The following TNFRSF19 variants were observed in gnomAD, a reference collection of about 807,000 sequenced individuals.
The protein encoded by TNFRSF19 is tumor necrosis factor receptor superfamily member 19.
In TNFRSF19, 27 loss-of-function variants were observed where a neutral mutation model predicts 46.4. That is an observed-to-expected ratio of 0.58 (90% CI 0.43 to 0.80). The LOEUF (loss-of-function observed/expected upper bound fraction) is 0.80, where lower values mean the gene tolerates loss of function less well. Ranked by LOEUF, TNFRSF19 falls within the 30% of genes least tolerant of loss-of-function variation. The probability of loss-of-function intolerance (pLI) is 0.00; values close to 1 mark genes in which losing one functional copy is unlikely to be tolerated. For missense variants in TNFRSF19, 511 were observed against 530.8 expected (o/e 0.96, Z 0.37); for synonymous variants, 204 against 205.0 (o/e 1.00, Z 0.04).
At chr13:23,663,488 G>A (rs1439929880) in intron 7 of TNFRSF19, among the ~76,000 whole-genome samples, 2 of 152,002 alleles carry the variant, frequency 1.3e-5, no homozygotes, top group South Asian at 4.2e-4. Flanking sequence ...TTTTTTTGTT[G>A]TATCTCTGCC....
chr13:23,661,682 C>T (rs1398481464), intron 7 of TNFRSF19, among the ~76,000 whole-genome samples: 1 of 152,208 alleles, frequency 6.6e-6, no homozygotes, highest in African/African-American at 2.4e-5. Flanking sequence ...ATTCCCTTTA[C>T]TCTGCAACCT....
chr13:23,593,271 A>C (rs1299874383), intron 2 of TNFRSF19, 74 bp from the exon 3 acceptor site: 6 of 838,416 alleles, frequency 7.2e-6, no homozygotes, highest in Non-Finnish European at 1.1e-5. Context: ...AATATTGAAA[A>C]TATTGTTCCT....
intron 7 of TNFRSF19, among the ~76,000 whole-genome samples, chr13:23,660,699 G>T (rs571023579): frequency 6.6e-6 from 1 of 152,204 alleles, no homozygotes; most frequent in East Asian, 1.9e-4. Context: ...TAAGCATCTC[G>T]TTAAAATTCT....
chr13:23,647,738 A>G (rs2138355809), intron 5 of TNFRSF19, among the ~76,000 whole-genome samples: 1 of 152,326 alleles, frequency 6.6e-6, no homozygotes, highest in East Asian at 1.9e-4. Context: ...TCTCTGATCT[A>G]TTTTTAGTCA....
chr13:23,664,073 A>G (rs2138403972), intron 7 of TNFRSF19, among the ~76,000 whole-genome samples: 1 of 151,936 alleles, frequency 6.6e-6, no homozygotes, highest in Admixed American at 6.6e-5. Flanking sequence ...TGCTTCTCAA[A>G]TTCTTTCTGT....
chr13:23,610,613 T>G (rs1426448026), intron 3 of TNFRSF19, among the ~76,000 whole-genome samples: 1 of 152,154 alleles, frequency 6.6e-6, no homozygotes, highest in Admixed American at 6.5e-5. Flanking sequence ...CTCCCTAGGA[T>G]TTTTTTAAAG....
At chr13:23,653,061 C>T (rs748393943) in intron 5 of TNFRSF19, among the ~76,000 whole-genome samples, 2 of 152,204 alleles carry the variant, frequency 1.3e-5, no homozygotes, top group African/African-American at 2.4e-5. Context: ...AGCAGCTCTG[C>T]GTCAGGATGT....
chr13:23,670,574 AAAATTGTTATGATAATAAATAAG>A (rs1951743772), intron 9 of TNFRSF19, among the ~76,000 whole-genome samples: 1 of 152,228 alleles, frequency 6.6e-6, no homozygotes, highest in African/African-American at 2.4e-5. Context: ...CATAATTTGT[AAAATTGTTATGATAATAAATAAG>A]AAAAGACTTA....
intron 5 of TNFRSF19, among the ~76,000 whole-genome samples, chr13:23,637,572 T>A (rs1882767867): frequency 6.6e-6 from 1 of 152,250 alleles, no homozygotes; most frequent in Non-Finnish European, 1.5e-5. Flanking sequence ...TCTGCTGGCA[T>A]AGAGGATAGC....
intron 7 of TNFRSF19, 96 bp from the exon 8 acceptor site, chr13:23,667,884 A>G (rs3794342): frequency 0.89 from 922,216 of 1,036,614 alleles, 411,713 homozygotes; most frequent in Non-Finnish European, 0.91. Context: ...ACCCAAAGGG[A>G]AACATCTAAA....
At chr13:23,603,866 C>G (rs1880335943) in intron 3 of TNFRSF19, among the ~76,000 whole-genome samples, 2 of 151,916 alleles carry the variant, frequency 1.3e-5, no homozygotes, top group Non-Finnish European at 2.9e-5. Context: ...ACAACCACAA[C>G]AAAACCAAAA....
chr13:23,665,240 C>T (rs376768409), intron 7 of TNFRSF19, among the ~76,000 whole-genome samples: 3 of 152,128 alleles, frequency 2.0e-5, no homozygotes, highest in African/African-American at 7.2e-5. Flanking sequence ...AGTAGGAATA[C>T]TTTCTGGAGA....
chr13:23,674,789 T>A lies in TNFRSF19; in HGVS notation c.*1409T>A, dbSNP rs527700703. 2 of 152,374 alleles carry A rather than the reference T, an allele frequency of 1.3e-5. No individual in the cohort carries two copies. The highest frequency in any genetic ancestry group is 1.3e-4 in the Admixed American group (2 of 15,304). The allele number at this position is 152,374 out of a possible 1,614,324, so 9.4% of individuals were successfully genotyped here. A position where few individuals can be genotyped will look rare whatever the true frequency, so the allele number is the denominator to read the frequency against. On this transcript the variant is annotated 3_prime_UTR_variant, in exon 10 of 10. Transcript: ENST00000248484. Reference sequence around the variant, plus strand: ...ACTGTCTTTTAACTTTTAAACTGAATATTAAAATGTATCTGTCTTTCCTAG... The same window carrying A: ...ACTGTCTTTTAACTTTTAAACTGAAAATTAAAATGTATCTGTCTTTCCTAG...
chr13:23,604,077 T>C (rs1207422112), intron 3 of TNFRSF19, among the ~76,000 whole-genome samples: 7 of 152,056 alleles, frequency 4.6e-5, no homozygotes, highest in Admixed American at 4.6e-4. Flanking sequence ...CTTGTTCACA[T>C]ATGGCATAAT....
intron 5 of TNFRSF19, among the ~76,000 whole-genome samples, chr13:23,658,655 T>C (rs1301331904): frequency 6.6e-6 from 1 of 152,208 alleles, no homozygotes; most frequent in Non-Finnish European, 1.5e-5. Flanking sequence ...CTTAAAAATA[T>C]GGTGTAATTC....
chr13:23,590,196 G>T lies in TNFRSF19; in HGVS notation c.13G>T (p.Val5Leu). 1 of 1,595,800 alleles carries T rather than the reference G, an allele frequency of 6.3e-7. No individual in the cohort carries two copies. The highest frequency in any genetic ancestry group is 1.1e-5 in the South Asian group (1 of 87,862). Residue 5 changes from valine to leucine, a missense_variant, in exon 2 of 10, where the codon GTG (valine) becomes TTG (leucine). This residue lies in a region of TNFRSF19 where 121 missense variants were observed against 124.1 expected (regional missense o/e 0.98). Transcript: ENST00000248484. The part of the protein sequence containing the change: MALK[V>L]LLEQEKTFFT... ...TTTGATAAGAAAGATGGCTTTAAAA[G>T]TGCTACTAGAACAAGAGAAAACGTT...
chr13:23,675,632 T>C lies in TNFRSF19; in HGVS notation c.*2252T>C, dbSNP rs1416608567. 1 of 152,194 alleles carries C rather than the reference T, an allele frequency of 6.6e-6. No homozygotes were observed. The highest frequency in any genetic ancestry group is 1.9e-4 in the East Asian group (1 of 5,196). The allele number at this position is 152,194 out of a possible 1,614,324, so 9.4% of individuals were successfully genotyped here. ...AAACATTTGAGGAAAAAAATGCAAT[T>C]TGCACTTCACTTTGTTGGAATATCC... On this transcript the variant is annotated 3_prime_UTR_variant, in exon 10 of 10. Coordinates refer to ENST00000248484, the MANE Select transcript of TNFRSF19 (RefSeq NM_148957.4).
At chr13:23,591,039 G>A (rs970112443) in intron 2 of TNFRSF19, among the ~76,000 whole-genome samples, 2 of 152,192 alleles carry the variant, frequency 1.3e-5, no homozygotes, top group African/African-American at 2.4e-5. Context: ...TTGAAAGTTT[G>A]ACAAAAGATT....
At chr13:23,623,826 A>AT (rs1391630746) in intron 4 of TNFRSF19, among the ~76,000 whole-genome samples, 2 of 152,074 alleles carry the variant, frequency 1.3e-5, no homozygotes, top group Non-Finnish European at 2.9e-5. Context: ...AATTAGGTTG[A>AT]TTTTTTAATT....
Sources: gnomAD v4.1 joint callset for allele counts (sites outside exome capture counted in the v4.1 genomes callset) on GRCh38, gnomAD v4.1.1 for gene constraint, gnomAD v4.1.1 regional missense constraint, MANE v1.5 for transcripts, NCBI Gene and HGNC (gene_info 2026-07-23, HGNC 2026-07-21) for gene names.